IQCH: variants seen among roughly 807,000 people sequenced by gnomAD.
IQCH encodes the protein IQ motif containing H.
A neutral mutation model predicts 117.0 loss-of-function variants in IQCH; 98 were observed. That is an observed-to-expected ratio of 0.84 (90% CI 0.71 to 0.99). IQCH has a LOEUF of 0.99. IQCH is among the 50% of genes least tolerant of loss of function. The pLI is 0.00. For synonymous variants in IQCH, 412 were observed against 448.2 expected, an observed-to-expected ratio of 0.92 and a Z score of 1.02; for missense variants, 1,102 against 1,243.8, an observed-to-expected ratio of 0.89 and a Z score of 1.72.
intron 16 of IQCH, among the ~76,000 whole-genome samples, chr15:67,455,969 A>C (rs1272402765): frequency 6.6e-6 from 1 of 152,222 alleles, no homozygotes. Context: ...CATTCCAAAA[A>C]TTCATAAGAA....
At chr15:67,460,766 C>T (rs2082772493) in intron 16 of IQCH, among the ~76,000 whole-genome samples, 1 of 152,218 alleles carries the variant, frequency 6.6e-6, no homozygotes, top group Admixed American at 6.5e-5. Context: ...GCAACCACTT[C>T]ACTTTTCACA....
intron 4 of IQCH, among the ~76,000 whole-genome samples, chr15:67,288,747 T>C (rs1966653658): frequency 6.6e-6 from 1 of 152,108 alleles, no homozygotes; most frequent in African/African-American, 2.4e-5. Flanking sequence ...ACATTCAAAG[T>C]TATTACTGAT....
At chr15:67,329,632 T>G (rs1387699515) in intron 4 of IQCH, among the ~76,000 whole-genome samples, 1 of 152,004 alleles carries the variant, frequency 6.6e-6, no homozygotes, top group Non-Finnish European at 1.5e-5. Flanking sequence ...CATGCCCAGA[T>G]AATTTTTTTT....
rs1319361646 is a variant in IQCH at position 67,459,431 on chromosome 15, C to T, written c.2506-5696C>T. On this transcript the variant is annotated intron_variant, in intron 16 of 20. Transcript: ENST00000335894. This position sits in a 1 kb window ranked among gnomAD's most constrained non-coding sequence, Gnocchi z 4.2. ...GAATGTAGGGCCTGAGCACATCTGC[C>T]CACATCTGCGTGCTCTGCCACCCAT... Among the ~76,000 whole-genome samples the T allele has an allele frequency of 6.6e-6, 1 of 152,166 alleles. No homozygotes were observed. Among genetic ancestry groups the T allele is most frequent in the Non-Finnish European group, 1.5e-5 (1 of 68,034 alleles).
chr15:67,345,079 T>A (rs953733679), intron 6 of IQCH, among the ~76,000 whole-genome samples: 2 of 152,200 alleles, frequency 1.3e-5, no homozygotes, highest in Non-Finnish European at 1.5e-5. Flanking sequence ...AACCTCTGCC[T>A]CCTGGATTCA....
At chr15:67,379,171 T>C (rs898338536) in intron 10 of IQCH, among the ~76,000 whole-genome samples, 1 of 152,210 alleles carries the variant, frequency 6.6e-6, no homozygotes, top group Non-Finnish European at 1.5e-5. Flanking sequence ...CTGTATTCAA[T>C]CTGTTGCAAT....
chr15:67,333,711 G>A (rs1486824980), intron 4 of IQCH, among the ~76,000 whole-genome samples: 2 of 152,158 alleles, frequency 1.3e-5, no homozygotes, highest in East Asian at 1.9e-4. Context: ...TCTGGCTGAT[G>A]GGAATATGAT....
At chr15:67,318,249 TTC>T (rs1279377535) in intron 4 of IQCH, among the ~76,000 whole-genome samples, 3 of 152,110 alleles carry the variant, frequency 2.0e-5, no homozygotes, top group African/African-American at 4.8e-5. Context: ...TCCTTTTTGT[TTC>T]TCTCTTTCTC....
Position 67,372,575 on chromosome 15 carries a change from G to T in IQCH, c.1218G>T (p.Trp406Cys). ...KWASGVIAIA[W>C]LLYCHKTRLK... is the part of the protein sequence containing the mutation. ...CATCAGGTGTGATTGCCATTGCTTGGCTGTTATATTGCCATAAGACTCGAC... is the reference window on the plus strand; with the variant it reads ...CATCAGGTGTGATTGCCATTGCTTGTCTGTTATATTGCCATAAGACTCGAC... The change falls in exon 9 of 21, where the codon TGG becomes TGT. Residue 406 changes from tryptophan to cysteine, a missense_variant. Transcript: ENST00000335894. 1 of 1,614,034 alleles carries T rather than the reference G, an allele frequency of 6.2e-7. No homozygotes were observed. Among genetic ancestry groups the T allele is most frequent in the Non-Finnish European group, 8.5e-7 (1 of 1,179,992 alleles).
intron 7 of IQCH, among the ~76,000 whole-genome samples, chr15:67,357,917 T>C (rs1830868178): frequency 6.6e-6 from 1 of 152,016 alleles, no homozygotes; most frequent in African/African-American, 2.4e-5. Flanking sequence ...TGGAGTGCAG[T>C]GCACTATGTC....
At chr15:67,497,024 CAA>C (rs753821092) in intron 20 of IQCH, among the ~76,000 whole-genome samples, 2 of 35,814 alleles carry the variant, frequency 5.6e-5, no homozygotes, top group Admixed American at 2.7e-4. Context: ...GACTCCGTCT[CAA>C]AAAAAAAAAA....
At chr15:67,304,433 A>G (rs1049445235) in intron 4 of IQCH, 10 of 1,522,268 alleles carry the variant, frequency 6.6e-6, no homozygotes, top group African/African-American at 4.1e-5. Flanking sequence ...AGTTTGCCAT[A>G]TATTAATCAG....
intron 2 of IQCH, among the ~76,000 whole-genome samples, chr15:67,262,183 G>A (rs1036895920): frequency 1.3e-5 from 2 of 152,138 alleles, no homozygotes; most frequent in Non-Finnish European, 2.9e-5. Context: ...AATCAAATGG[G>A]TAAAACTAAA....
At position 67,494,159 on chromosome 15, in the gene IQCH, T is replaced by G; in HGVS notation, c.2862-99T>G. On this transcript the variant is annotated intron_variant, in intron 19 of 20. Transcript: ENST00000335894. The surrounding 1 kb of genome is among the most constrained non-coding windows in gnomAD (Gnocchi z 5.5). ...ACCTTGTGAGATTGAAAATACTCATTAAATTCCATCACCAGACAGGCACAA... is the reference window on the plus strand; with the variant it reads ...ACCTTGTGAGATTGAAAATACTCATGAAATTCCATCACCAGACAGGCACAA... 2.6e-6 allele frequency: 2 copies of G among 755,694 alleles called. No individual in the cohort carries two copies. The highest frequency in any genetic ancestry group is 2.1e-6 in the Non-Finnish European group (1 of 487,726). The allele number at this position is 755,694 out of a possible 1,614,324, so 46.8% of individuals were successfully genotyped here. A position where few individuals can be genotyped will look rare whatever the true frequency, so the allele number is the denominator to read the frequency against.
In IQCH at chr15:67,466,673, G is replaced by C. The variant is rs2082940522; in HGVS notation, c.2676+1376G>C. 1 of 152,342 alleles carries C rather than the reference G, an allele frequency of 6.6e-6. No individual in the cohort carries two copies. 9.4% of individuals were successfully genotyped at this position (152,342 alleles called of 1,614,324 possible). On this transcript the variant is annotated intron_variant, in intron 17 of 20. Transcript: ENST00000335894. The surrounding 1 kb of genome is among the most constrained non-coding windows in gnomAD (Gnocchi z 4.4). ...CATCCAGTTGCCCAATCAGGTACCA[G>C]GAAGAACCTTGCTCACAAGAATCCC...
rs1944200328 is a variant in IQCH, at chr15:67,500,770, T to C, written c.*24T>C. 18 of 1,255,964 alleles carry C rather than the reference T, an allele frequency of 1.4e-5. No individual in the cohort carries two copies. Among genetic ancestry groups the C allele is most frequent in the Non-Finnish European group, 2.0e-5 (18 of 891,054 alleles). 77.8% of individuals were successfully genotyped at this position (1,255,964 alleles called of 1,614,324 possible). On this transcript the variant is annotated 3_prime_UTR_variant, in exon 21 of 21. Coordinates refer to ENST00000335894, the MANE Select transcript of IQCH (RefSeq NM_001031715.3). The surrounding 1 kb of genome is among the most constrained non-coding windows in gnomAD (Gnocchi z 4.4). ...GATCCTGGAATACAGTACATAACAA[T>C]TTGGATCCCAGTCTGGAATAAAAAG...
chr15:67,372,699 T>C, intron 9 of IQCH, 37 bp downstream of exon 9: 3 of 1,516,706 alleles, frequency 2.0e-6, no homozygotes, highest in Non-Finnish European at 1.8e-6. Flanking sequence ...CAGACCTCTT[T>C]TTCTAAACAT....
rs985632326 is a variant in IQCH at position 67,445,587 on chromosome 15, T to C, written c.2506-19540T>C. 5.3e-5 allele frequency among the ~76,000 whole-genome samples: 8 copies of C among 152,106 alleles called. No homozygotes were observed. The highest frequency in any genetic ancestry group is 1.9e-4 in the African/African-American group (8 of 41,408). ...CCAAGTAGCTGGGGTTGCAGGTGTG[T>C]GCCACCACACCAGGCTAATTTTTAT... is the stretch of plus-strand genomic sequence containing the variant. On this transcript the variant is annotated intron_variant, in intron 16 of 20. Coordinates refer to ENST00000335894, the MANE Select transcript of IQCH (RefSeq NM_001031715.3). This position sits in a 1 kb window ranked among gnomAD's most constrained non-coding sequence, Gnocchi z 4.3.
At chr15:67,313,254 A>G (rs967409424) in intron 4 of IQCH, among the ~76,000 whole-genome samples, 13 of 152,206 alleles carry the variant, frequency 8.5e-5, no homozygotes, top group Admixed American at 7.2e-4. Context: ...AGAGCCGTAG[A>G]TGGAGAATCA....
Sources: allele counts gnomAD v4.1 joint callset (sites outside exome capture counted in the v4.1 genomes callset), GRCh38; gene constraint gnomAD v4.1.1; non-coding constraint Gnocchi (gnomAD v3.1); transcripts MANE v1.5; gene names NCBI Gene and HGNC (gene_info 2026-07-23, HGNC 2026-07-21).